The following COL6A5 variants were observed in gnomAD, a reference collection of about 807,000 sequenced individuals.
The protein encoded by COL6A5 is collagen alpha-5(VI) chain.
In COL6A5, 48 loss-of-function variants were observed where a neutral mutation model predicts 65.6. That is an observed-to-expected ratio of 0.73 (90% CI 0.58 to 0.93). The LOEUF is 0.93. COL6A5 is among the 40% of genes least tolerant of loss of function. The pLI, the probability that COL6A5 is intolerant of heterozygous loss-of-function variation, is 0.00. For synonymous variants in COL6A5, 291 were observed against 322.8 expected (o/e 0.90, Z 1.05); for missense variants, 914 against 928.3 (o/e 0.98, Z 0.20).
intron 4 of COL6A5, 36 bp from the exon 37 acceptor site, chr3:130,455,419 T>C: frequency 1.5e-6 from 2 of 1,338,206 alleles, no homozygotes; most frequent in Non-Finnish European, 2.1e-6. Context: ...TTCTCTAAAG[T>C]TATCTAGACT....
chr3:130,453,377 C>T (rs1001156787), intron 4 of COL6A5, among the ~76,000 whole-genome samples: 3 of 152,248 alleles, frequency 2.0e-5, no homozygotes, highest in East Asian at 1.9e-4. Flanking sequence ...CGGGTCCCTC[C>T]GTTTGGGGTC....
chr3:130,468,845 G>C, exon 6 of COL6A5: 1 of 1,611,300 alleles, frequency 6.2e-7, no homozygotes, highest in Non-Finnish European at 8.5e-7. Flanking sequence ...TTATGAACCT[G>C]GAGATGTCTC....
chr3:130,386,488 G>A (rs982995205), intron 5 of COL6A5, among the ~76,000 whole-genome samples: 1 of 152,028 alleles, frequency 6.6e-6, no homozygotes, highest in African/African-American at 2.4e-5. Flanking sequence ...TAAAAAATAA[G>A]TAAGCAAATA....
intron 1 of COL6A5, among the ~76,000 whole-genome samples, chr3:130,353,821 A>G (rs1934812012): frequency 6.6e-6 from 1 of 152,046 alleles, no homozygotes; most frequent in African/African-American, 2.4e-5. Flanking sequence ...CAATTTAAAA[A>G]TTAATTTTGG....
intron 3 of COL6A5, 60 bp downstream of exon 35, chr3:130,440,885 A>C: frequency 8.1e-7 from 1 of 1,231,476 alleles, no homozygotes; most frequent in Non-Finnish European, 1.1e-6. Context: ...TTAATACAGT[A>C]TTGATAACCT....
At chr3:130,406,839 A>G (rs11713675) in intron 17 of COL6A5, among the ~76,000 whole-genome samples, 11,839 of 152,252 alleles carry the variant, frequency 0.078, 562 homozygotes, top group East Asian at 0.17. Flanking sequence ...GATTTATGAA[A>G]TATTTTTGAG....
At chr3:130,348,636 C>G (rs1934589431) in intron 1 of COL6A5, among the ~76,000 whole-genome samples, 1 of 152,020 alleles carries the variant, frequency 6.6e-6, no homozygotes, top group Non-Finnish European at 1.5e-5. Flanking sequence ...GGATATGTAC[C>G]CAGTAATGAG....
chr3:130,357,981 T>A (rs573327397), intron 1 of COL6A5, among the ~76,000 whole-genome samples: 4 of 151,700 alleles, frequency 2.6e-5, no homozygotes, highest in Middle Eastern at 3.2e-3. Flanking sequence ...CGAGGTCAGG[T>A]GATCGAGACC....
At chr3:130,358,311 G>A (rs988860208) in intron 1 of COL6A5, among the ~76,000 whole-genome samples, 15 of 152,116 alleles carry the variant, frequency 9.9e-5, no homozygotes. Context: ...ATTGAGAAAG[G>A]AGAAGGCAAA....
chr3:130,397,254 A>G (rs1285266056), intron 8 of COL6A5, among the ~76,000 whole-genome samples: 2 of 152,214 alleles, frequency 1.3e-5, no homozygotes, highest in Non-Finnish European at 2.9e-5. Context: ...CACATACGAC[A>G]GAGTCACTGA....
chr3:130,369,317 C>T (rs1157458417), intron 1 of COL6A5, among the ~76,000 whole-genome samples: 1 of 152,174 alleles, frequency 6.6e-6, no homozygotes, highest in Admixed American at 6.5e-5. Context: ...ATTACTTTTG[C>T]AATATTTGTG....
chr3:130,347,070 G>A (rs1485991644), intron 1 of COL6A5, among the ~76,000 whole-genome samples: 2 of 152,104 alleles, frequency 1.3e-5, no homozygotes, highest in Non-Finnish European at 2.9e-5. Context: ...CTTTGATGAC[G>A]AATGAATGGT....
intron 3 of COL6A5, among the ~76,000 whole-genome samples, chr3:130,378,561 A>G (rs1935870334): frequency 1.3e-5 from 2 of 152,094 alleles, no homozygotes; most frequent in Admixed American, 1.3e-4. Flanking sequence ...AAAATATTTA[A>G]ATAAGATCAT....
intron 4 of COL6A5, 34 bp from the exon 37 acceptor site, chr3:130,455,421 A>G (rs1709547976): frequency 1.5e-6 from 2 of 1,372,140 alleles, no homozygotes; most frequent in East Asian, 2.3e-5. Flanking sequence ...CTCTAAAGTT[A>G]TCTAGACTCA....
exon 16 of COL6A5, chr3:130,406,158 G>A: frequency 1.9e-6 from 3 of 1,550,474 alleles, no homozygotes; most frequent in South Asian, 2.4e-5. Context: ...TGGGATTGAT[G>A]GACTTGATGG....
At chr3:130,453,696 T>G (rs1282734501) in intron 4 of COL6A5, among the ~76,000 whole-genome samples, 1 of 152,176 alleles carries the variant, frequency 6.6e-6, no homozygotes, top group Non-Finnish European at 1.5e-5. Flanking sequence ...TTCTGTGTGC[T>G]TCTTCGAGCT....
intron 17 of COL6A5, among the ~76,000 whole-genome samples, chr3:130,407,854 G>A (rs1028288166): frequency 1.1e-4 from 17 of 152,184 alleles, no homozygotes; most frequent in East Asian, 5.8e-4. Context: ...CAGGGAACCC[G>A]AACAGAGGCT....
At chr3:130,352,447 C>T (rs1934757512) in intron 1 of COL6A5, among the ~76,000 whole-genome samples, 1 of 152,010 alleles carries the variant, frequency 6.6e-6, no homozygotes, top group Non-Finnish European at 1.5e-5. Flanking sequence ...TTGAGAAGTA[C>T]TCTCGGTGTG....
At chr3:130,350,496 A>G (rs979620757) in intron 1 of COL6A5, among the ~76,000 whole-genome samples, 15 of 152,232 alleles carry the variant, frequency 9.9e-5, no homozygotes, top group Admixed American at 1.3e-4. Context: ...AAAAATCACA[A>G]GCATTCCTAT....
Sources: gnomAD v4.1 joint callset for allele counts (sites outside exome capture counted in the v4.1 genomes callset) on GRCh38, gnomAD v4.1.1 for gene constraint, MANE v1.5 for transcripts, NCBI Gene and HGNC (gene_info 2026-07-23, HGNC 2026-07-21) for gene names.